Variants in ASPG observed in about 807,000 individuals in gnomAD.
ASPG encodes asparaginase.
In ASPG, 53 loss-of-function variants were observed where a neutral mutation model predicts 63.2. That is an observed-to-expected ratio of 0.84 (90% CI 0.67 to 1.05). The LOEUF is 1.05. ASPG is among the 50% of genes least tolerant of loss of function. The pLI is 0.00. For missense variants in ASPG, 741 were observed against 794.4 expected (o/e 0.93, Z 0.81); for synonymous variants, 370 against 355.0 (o/e 1.04, Z -0.48).
At chr14:104,094,965 G>T (rs550863804) in intron 3 of ASPG, among the ~76,000 whole-genome samples, 1 of 152,264 alleles carries the variant, frequency 6.6e-6, no homozygotes, top group East Asian at 1.9e-4. Flanking sequence ...CCTGGCAGCC[G>T]CAGCCTGGGC....
Position 104,093,578 on chromosome 14 carries a change from G to C in ASPG, c.279G>C (p.Trp93Cys). The C allele has an allele frequency of 6.2e-7, 1 of 1,611,238 alleles. No homozygotes were observed. The highest frequency in any genetic ancestry group is 8.5e-7 in the Non-Finnish European group (1 of 1,178,994). ...CCAGTGACATGACCATCGCTGAGTG[G>C]GTTTGCCTTGCCCAGACCATCAAGG... is the stretch of plus-strand genomic sequence containing the variant. ...FDSSDMTIAE[W>C]VCLAQTIKRH... is the part of the protein sequence containing the mutation. The change falls in exon 3 of 16, where the codon TGG becomes TGC. Residue 93 changes from tryptophan to cysteine, a missense_variant. By Grantham distance (215) the Trp-to-Cys change is radical. Transcript: ENST00000551177.
intron 4 of ASPG, among the ~76,000 whole-genome samples, 193 bp downstream of exon 4, chr14:104,095,849 C>A (rs575426971): frequency 7.2e-5 from 11 of 152,238 alleles, no homozygotes; most frequent in African/African-American, 2.6e-4. Flanking sequence ...CCACCTGCCC[C>A]GCAGGAGGGG....
intron 9 of ASPG, 81 bp from the exon 10 acceptor site, chr14:104,105,247 C>T (rs1014717008): frequency 2.4e-5 from 39 of 1,603,982 alleles, no homozygotes; most frequent in Middle Eastern, 3.3e-4. Flanking sequence ...TGACTGTGCC[C>T]GGGTAGCCCG....
At position 104,112,701 on chromosome 14, in the gene ASPG, A is replaced by G; in HGVS notation, c.*157A>G. 2 of 1,497,986 alleles carry G rather than the reference A, an allele frequency of 1.3e-6. No individual in the cohort carries two copies. Among genetic ancestry groups the G allele is most frequent in the Non-Finnish European group, 9.0e-7 (1 of 1,115,962 alleles). The allele number at this position is 1,497,986 out of a possible 1,614,324, so 92.8% of individuals were successfully genotyped here. A position where few individuals can be genotyped will look rare whatever the true frequency, so the allele number is the denominator to read the frequency against. On this transcript the variant is annotated 3_prime_UTR_variant, in exon 16 of 16. Transcript: ENST00000551177. ...GCAGGACGGCAATAAAGTCTCTGAC[A>G]TCCCCTCACCAGGTCTGTACAGCCT...
rs777435487 is a variant in ASPG at position 104,110,616 on chromosome 14, A to C, written c.1521-886A>C. The stretch of plus-strand genomic sequence containing the variant: ...TCTTGGAGCAGGTCCAGGAGGGGCC[A>C]GTGAGGCCATCCAGCAGATTCGCTG... On this transcript the variant is annotated intron_variant, in intron 13 of 15. Coordinates refer to ENST00000551177, the MANE Select transcript of ASPG (RefSeq NM_001080464.3). This position sits in a 1 kb window ranked among gnomAD's most constrained non-coding sequence, Gnocchi z 4.7. The C allele has an allele frequency of 1.5e-5, 15 of 985,234 alleles. No homozygotes were observed. Among genetic ancestry groups the C allele is most frequent in the Non-Finnish European group, 1.8e-5 (15 of 829,826 alleles). The allele number at this position is 985,234 out of a possible 1,614,324, so 61.0% of individuals were successfully genotyped here. A position where few individuals can be genotyped will look rare whatever the true frequency, so the allele number is the denominator to read the frequency against.
At position 104,085,799 on chromosome 14, in the gene ASPG, G is replaced by C; in HGVS notation, c.29G>C (p.Arg10Thr). The change falls in exon 1 of 16, where the codon AGG becomes ACG. Residue 10 changes from arginine to threonine, a missense_variant. By Grantham distance (71) the Arg-to-Thr change is moderately conservative (BLOSUM62 -1). Coordinates refer to ENST00000551177, the MANE Select transcript of ASPG (RefSeq NM_001080464.3). ...GCGCGCGCGGTGGGGCCCGAGCGGA[G>C]GCTGCTGGCCGTCTACACCGGCGGC... MARAVGPER[R>T]LLAVYTGGTI... is the part of the protein sequence containing the mutation. 1 of 1,589,818 alleles carries C rather than the reference G, an allele frequency of 6.3e-7. No homozygotes were observed. Among genetic ancestry groups the C allele is most frequent in the East Asian group, 2.3e-5 (1 of 43,030 alleles).
rs1043895411 is a variant in ASPG at position 104,104,241 on chromosome 14, G to A, written c.754-63G>A. On this transcript the variant is annotated intron_variant, in intron 7 of 15. Transcript: ENST00000551177. Reference sequence around the variant, plus strand: ...CCCTCTCCTTGGGAGGGCATGGGGCGAGTCTCAGTGGTGCTGAGGGCAGAG... The same window carrying A: ...CCCTCTCCTTGGGAGGGCATGGGGCAAGTCTCAGTGGTGCTGAGGGCAGAG... The A allele has an allele frequency of 1.0e-5, 16 of 1,528,146 alleles. 1 individual carries two copies. The Admixed American group carries it at 1.9e-4, about 18-fold the overall frequency. 94.7% of individuals were successfully genotyped at this position (1,528,146 alleles called of 1,614,324 possible). A position where few individuals can be genotyped will look rare whatever the true frequency, so the allele number is the denominator to read the frequency against.
chr14:104,103,407 T>C (rs2036969108), intron 6 of ASPG, among the ~76,000 whole-genome samples, 156 bp from the exon 7 acceptor site: 1 of 152,214 alleles, frequency 6.6e-6, no homozygotes, highest in Non-Finnish European at 1.5e-5. Context: ...AGGATTTGCC[T>C]GCGGGAGAGG....
intron 13 of ASPG, 76 bp from the exon 14 acceptor site, chr14:104,111,426 C>G: frequency 7.5e-7 from 1 of 1,332,324 alleles, no homozygotes; most frequent in South Asian, 1.3e-5. Context: ...TCCAGGCCAC[C>G]TGGGGGACAG....
chr14:104,089,659 G>C (rs1053016308), intron 1 of ASPG, among the ~76,000 whole-genome samples: 1 of 152,142 alleles, frequency 6.6e-6, no homozygotes, highest in African/African-American at 2.4e-5. Flanking sequence ...CTTTACTGGC[G>C]ACAGTATAGG....
At chr14:104,106,777 G>T in intron 10 of ASPG, 22 bp from the exon 11 acceptor site, 1 of 1,564,496 alleles carries the variant, frequency 6.4e-7, no homozygotes. Flanking sequence ...GTGGGTCCCA[G>T]GGTGCCGCCT....
chr14:104,106,445 C>G (rs773954827), intron 10 of ASPG, among the ~76,000 whole-genome samples: 1 of 152,164 alleles, frequency 6.6e-6, no homozygotes, highest in Non-Finnish European at 1.5e-5. Context: ...TTCCCACGCT[C>G]TCCTTATGTG....
At position 104,093,611 on chromosome 14, in the gene ASPG, G is replaced by T. The variant is rs2036451449; in HGVS notation, c.303+9G>T. ...TTGCCCAGACCATCAAGGTAGTGGG[G>T]CTGGGGAATGCTGGGTGGGGCTGTG... On this transcript the variant is annotated intron_variant, in intron 3 of 15. Transcript: ENST00000551177. 8 of 1,575,878 alleles carry T rather than the reference G, an allele frequency of 5.1e-6. No homozygotes were observed. Among genetic ancestry groups the T allele is most frequent in the African/African-American group, 4.1e-5 (3 of 73,606 alleles).
In ASPG at chr14:104,098,914, G is replaced by A. The variant is rs758164909; in HGVS notation, c.575G>A (p.Arg192Gln). 6 of 1,610,684 alleles carry A rather than the reference G, an allele frequency of 3.7e-6. No individual in the cohort carries two copies. Among genetic ancestry groups the A allele is most frequent in the Admixed American group, 1.7e-5 (1 of 59,736 alleles). The change falls in exon 6 of 16, where the codon CGG becomes CAG. Residue 192 changes from arginine to glutamine, a missense_variant. By Grantham distance (43) the Arg-to-Gln change is conservative (BLOSUM62 1). Transcript: ENST00000551177. ...AACCGGGCAACCAAGGTAGACGCTC[G>A]GAGGTTCGCAGCTTTCTGCTCCCCG... ...RGNRATKVDA[R>Q]RFAAFCSPNL...
At chr14:104,099,449 C>T (rs1315151898) in intron 6 of ASPG, among the ~76,000 whole-genome samples, 2 of 152,168 alleles carry the variant, frequency 1.3e-5, no homozygotes, top group African/African-American at 4.8e-5. Flanking sequence ...CCTGGGGGGG[C>T]CAAGCCCGCC....
intron 1 of ASPG, among the ~76,000 whole-genome samples, chr14:104,087,913 G>C (rs944175319): frequency 1.3e-5 from 2 of 152,174 alleles, no homozygotes; most frequent in Admixed American, 1.3e-4. Flanking sequence ...CTGGAAATTG[G>C]GTGTGGGGCG....
chr14:104,095,454 C>T, intron 3 of ASPG, 77 bp from the exon 4 acceptor site: 1 of 1,594,478 alleles, frequency 6.3e-7, no homozygotes, highest in Non-Finnish European at 8.5e-7. Flanking sequence ...GCATCCGGAC[C>T]CTTTCCCCCA....
chr14:104,097,169 G>T (rs2036631373), intron 4 of ASPG, among the ~76,000 whole-genome samples: 1 of 152,316 alleles, frequency 6.6e-6, no homozygotes, highest in South Asian at 2.1e-4. Flanking sequence ...GGACCGGCTG[G>T]CCCCTGCTGC....
At position 104,104,456 on chromosome 14, in the gene ASPG, GGC is replaced by G; in HGVS notation, c.907_908del (p.Ala303CysfsTer110). 2 of 1,612,534 alleles carry G rather than the reference GGC, an allele frequency of 1.2e-6. No individual in the cohort carries two copies. Among genetic ancestry groups the G allele is most frequent in the Non-Finnish European group, 1.7e-6 (2 of 1,179,780 alleles). On this transcript the variant is annotated frameshift_variant, in exon 8 of 16. Transcript: ENST00000551177. LOFTEE classifies it high-confidence loss of function. ...IVNCTHCLQG[A>X]VTTDYAAGMA... ...TCAACTGTACCCACTGCCTCCAGGG[GGC>G]TGTGACCACAGACTATGCAGCTGGC...
Sources: gnomAD v4.1 joint callset for allele counts (sites outside exome capture counted in the v4.1 genomes callset) on GRCh38, gnomAD v4.1.1 for gene constraint, Gnocchi (gnomAD v3.1) non-coding constraint, MANE v1.5 for transcripts, NCBI Gene and HGNC (gene_info 2026-07-23, HGNC 2026-07-21) for gene names.